TNRC6B: variants seen among roughly 807,000 people sequenced by gnomAD.
TNRC6B encodes the protein trinucleotide repeat containing adaptor 6B.
In TNRC6B, 52 loss-of-function variants were observed where a neutral mutation model predicts 203.6. The observed-to-expected ratio is 0.26, with a 90% CI of 0.20 to 0.32. The LOEUF (loss-of-function observed/expected upper bound fraction) is 0.32. Among genes scored for constraint, TNRC6B ranks in the 10% least tolerant of loss-of-function variants. The pLI is 1.00. For synonymous variants in TNRC6B, 838 were observed against 845.7 expected (o/e 0.99, Z 0.16); for missense variants, 1,923 against 2,286.2 (o/e 0.84, Z 3.24).
chr22:40,228,595 C>T (rs2069824365), intron 1 of TNRC6B, among the ~76,000 whole-genome samples: 1 of 150,194 alleles, frequency 6.7e-6, no homozygotes, highest in South Asian at 2.1e-4. Context: ...TCTCGGCTCA[C>T]TGCAACCTCC....
chr22:40,154,171 A>G (rs2068788579), intron 3 of TNRC6B, among the ~76,000 whole-genome samples: 2 of 151,440 alleles, frequency 1.3e-5, no homozygotes, highest in South Asian at 4.1e-4. Flanking sequence ...ATCTTTAAAT[A>G]TAAAAGCATG....
chr22:40,185,968 G>T (rs1164068253), intron 1 of TNRC6B, among the ~76,000 whole-genome samples: 1 of 152,172 alleles, frequency 6.6e-6, no homozygotes, highest in African/African-American at 2.4e-5. Flanking sequence ...GGAGAATTTG[G>T]TGGGACTTGG....
At chr22:40,195,295 T>C (rs1428783750) in intron 1 of TNRC6B, among the ~76,000 whole-genome samples, 7 of 152,190 alleles carry the variant, frequency 4.6e-5, no homozygotes, top group Non-Finnish European at 7.3e-5. Flanking sequence ...ATTGAAAATA[T>C]AGAGCAAATA....
chr22:40,059,226 T>G (rs1000459842), intron 1 of TNRC6B, among the ~76,000 whole-genome samples: 1 of 152,238 alleles, frequency 6.6e-6, no homozygotes, highest in African/African-American at 2.4e-5. Flanking sequence ...CAAAAAGCCT[T>G]CTCGAAACTT....
chr22:40,269,887 CAAAAAAA>C (rs34314387), intron 5 of TNRC6B, among the ~76,000 whole-genome samples: 28 of 77,592 alleles, frequency 3.6e-4, no homozygotes, highest in African/African-American at 1.5e-3. Context: ...GACTCTGTCT[CAAAAAAA>C]AAAAAAAAAA....
chr22:40,252,788 A>G (rs1211218403), intron 3 of TNRC6B, among the ~76,000 whole-genome samples: 5 of 152,250 alleles, frequency 3.3e-5, no homozygotes, highest in Non-Finnish European at 7.3e-5. Context: ...AAATAGTGTT[A>G]TGCATACTGG....
At chr22:40,276,120 A>G (rs1318717238) in intron 7 of TNRC6B, among the ~76,000 whole-genome samples, 1 of 151,998 alleles carries the variant, frequency 6.6e-6, no homozygotes, top group Non-Finnish European at 1.5e-5. Flanking sequence ...GACCGAGGCA[A>G]GCGGATCACG....
upstream of TNRC6B, among the ~76,000 whole-genome samples, chr22:40,176,626 G>C (rs1362252675): frequency 6.6e-6 from 1 of 152,080 alleles, no homozygotes; most frequent in Non-Finnish European, 1.5e-5. Flanking sequence ...CCTCCTATGT[G>C]GTGTTTGGTG....
intron 1 of TNRC6B, among the ~76,000 whole-genome samples, chr22:40,050,415 T>G (rs1172398319): frequency 6.6e-6 from 1 of 152,176 alleles, no homozygotes; most frequent in Non-Finnish European, 1.5e-5. Flanking sequence ...CTTCTTTCAG[T>G]TCCTCAAATT....
chr22:40,120,686 C>T (rs559681298), intron 2 of TNRC6B, among the ~76,000 whole-genome samples: 20 of 152,300 alleles, frequency 1.3e-4, no homozygotes, highest in Admixed American at 6.5e-4. Context: ...GTAATATTCT[C>T]TTCCCTGCTC....
chr22:40,320,329 A>G (rs1435451581), intron 21 of TNRC6B, among the ~76,000 whole-genome samples: 2 of 151,966 alleles, frequency 1.3e-5, no homozygotes, highest in Non-Finnish European at 2.9e-5. Context: ...AAAATACAAA[A>G]ATTAGCCGGG....
intron 2 of TNRC6B, among the ~76,000 whole-genome samples, chr22:40,117,286 T>G (rs1037054108): frequency 1.3e-5 from 2 of 152,216 alleles, no homozygotes; most frequent in Non-Finnish European, 2.9e-5. Context: ...TCCTACTATA[T>G]GGTAGGTGCC....
At chr22:40,209,978 G>A (rs1001233717) in intron 1 of TNRC6B, among the ~76,000 whole-genome samples, 4 of 149,588 alleles carry the variant, frequency 2.7e-5, no homozygotes, top group Non-Finnish European at 5.9e-5. Context: ...AGATTGCATC[G>A]CTGCACTCTA....
intron 1 of TNRC6B, among the ~76,000 whole-genome samples, chr22:40,084,983 C>T (rs1223482652): frequency 2.0e-5 from 3 of 152,152 alleles, no homozygotes; most frequent in Admixed American, 6.6e-5. Flanking sequence ...ACTGGAATAT[C>T]GTGGCAAGGA....
At chr22:40,150,051 G>C (rs111418941) in intron 3 of TNRC6B, among the ~76,000 whole-genome samples, 2,848 of 152,124 alleles carry the variant, frequency 0.019, 60 homozygotes, top group African/African-American at 0.05. Flanking sequence ...AAGGTTTTAA[G>C]AATAAGTCTT....
chr22:40,219,486 C>A (rs1305026929), intron 1 of TNRC6B, among the ~76,000 whole-genome samples: 1 of 152,288 alleles, frequency 6.6e-6, no homozygotes, highest in East Asian at 1.9e-4. Context: ...AGGATGAGTT[C>A]TGGAAAGGAT....
intron 1 of TNRC6B, among the ~76,000 whole-genome samples, chr22:40,047,447 C>CA (rs368631883): frequency 0.021 from 3,033 of 145,680 alleles, 42 homozygotes; most frequent in African/African-American, 0.076. Context: ...ACTAAAAATA[C>CA]AAAAAATTAG....
At chr22:40,162,762 G>A (rs897165587) in intron 4 of TNRC6B, among the ~76,000 whole-genome samples, 1 of 152,152 alleles carries the variant, frequency 6.6e-6, no homozygotes, top group Admixed American at 6.5e-5. Flanking sequence ...TAGTAAGCTA[G>A]ACATCAGAAG....
intron 1 of TNRC6B, among the ~76,000 whole-genome samples, chr22:40,207,224 A>G (rs887069642): frequency 2.0e-5 from 3 of 152,054 alleles, no homozygotes; most frequent in African/African-American, 7.2e-5. Context: ...AAGAATATTT[A>G]TGACCTTGGA....
Sources: allele counts gnomAD v4.1 joint callset (sites outside exome capture counted in the v4.1 genomes callset), GRCh38; gene constraint gnomAD v4.1.1; transcripts MANE v1.5; gene names NCBI Gene and HGNC (gene_info 2026-07-23, HGNC 2026-07-21).